Variants in C9orf153 observed in about 807,000 individuals in gnomAD.
C9orf153 encodes chromosome 9 open reading frame 153.
Under a neutral mutation model 9.0 loss-of-function variants are expected in C9orf153, and 10 were observed. The ratio of observed to expected loss-of-function variants is 1.11; its 90% confidence interval spans 0.69 to 1.89. The LOEUF (loss-of-function observed/expected upper bound fraction) is 1.89, where lower values mean the gene tolerates loss of function less well. C9orf153 is among the 40% of genes most tolerant of loss of function. C9orf153 has a pLI of 0.00. For synonymous variants in C9orf153, 35 were observed against 37.3 expected, an observed-to-expected ratio of 0.94 and a Z score of 0.23; for missense variants, 108 against 111.0, an observed-to-expected ratio of 0.97 and a Z score of 0.12.
At chr9:86,252,237 G>A (rs536394713) in intron 1 of C9orf153, among the ~76,000 whole-genome samples, 10 of 152,120 alleles carry the variant, frequency 6.6e-5, no homozygotes, top group African/African-American at 9.6e-5. Context: ...GTTTCACCAC[G>A]TTGGCCAGCT....
intron 1 of C9orf153, among the ~76,000 whole-genome samples, chr9:86,238,856 CA>C (rs1824662439): frequency 6.6e-6 from 1 of 150,418 alleles, no homozygotes; most frequent in African/African-American, 2.5e-5. Context: ...AGAGAAATTA[CA>C]AAACTGTACA....
At chr9:86,252,225 G>A (rs970757103) in intron 1 of C9orf153, among the ~76,000 whole-genome samples, 10 of 151,968 alleles carry the variant, frequency 6.6e-5, no homozygotes, top group Non-Finnish European at 1.5e-4. Context: ...GGTAGAGATG[G>A]GGTTTCACCA....
chr9:86,228,623 G>A (rs1420731586), intron 2 of C9orf153, among the ~76,000 whole-genome samples: 1 of 152,206 alleles, frequency 6.6e-6, no homozygotes, highest in Non-Finnish European at 1.5e-5. Context: ...ATCCCTGAGA[G>A]GACCTGTCCC....
rs2131187024 is a variant in C9orf153, at chr9:86,236,708, A to G, written c.-26-7079T>C. ...TAGGTAAGAAACTCAGATCTATATA[A>G]GGAAGTGAAAAGTATTAGAGAAGGA... On this transcript the variant is annotated intron_variant, in intron 1 of 3. Transcript: ENST00000339137. 5.3e-5 allele frequency among the ~76,000 whole-genome samples: 8 copies of G among 152,190 alleles called. No homozygotes were observed. In the South Asian group the frequency reaches 1.7e-3, roughly 32 times the overall value.
At chr9:86,235,741 C>CAAAAAAAAAAA (rs60165641) in intron 1 of C9orf153, among the ~76,000 whole-genome samples, 2 of 22,052 alleles carry the variant, frequency 9.1e-5, no homozygotes, top group African/African-American at 1.3e-4. Flanking sequence ...GACTCCATCT[C>CAAAAAAAAAAA]AAAAAAAAAA....
intron 1 of C9orf153, among the ~76,000 whole-genome samples, chr9:86,233,720 T>G (rs1316194432): frequency 6.6e-6 from 1 of 152,156 alleles, no homozygotes; most frequent in Non-Finnish European, 1.5e-5. Flanking sequence ...CTCGTCCAAT[T>G]TATAAATTTC....
intron 1 of C9orf153, among the ~76,000 whole-genome samples, chr9:86,247,272 GCTCT>G (rs1013598669): frequency 1.2e-4 from 19 of 152,038 alleles, no homozygotes; most frequent in South Asian, 2.1e-4. Flanking sequence ...CTGTCTTTTT[GCTCT>G]CTCTCTTTTT....
rs1824237038 is a variant in C9orf153, at chr9:86,222,847, T to G, written c.243-1114A>C. Among the ~76,000 whole-genome samples the G allele has an allele frequency of 3.3e-5, 5 of 152,250 alleles. No individual in the cohort carries two copies. In the South Asian group the frequency reaches 8.3e-4, roughly 25 times the overall value. On this transcript the variant is annotated intron_variant, in intron 3 of 3. Transcript: ENST00000339137. ...TGGTGGGTGACCTTACTGTCCCACA[T>G]GTGGTGACATTTGAGCATGTCACCT...
intron 1 of C9orf153, among the ~76,000 whole-genome samples, chr9:86,234,156 A>C (rs1336174457): frequency 6.6e-6 from 1 of 152,240 alleles, no homozygotes; most frequent in African/African-American, 2.4e-5. Context: ...TACTTTAGCC[A>C]GCTGGGCTCA....
intron 1 of C9orf153, among the ~76,000 whole-genome samples, chr9:86,246,036 A>G (rs1005146177): frequency 6.6e-6 from 1 of 152,296 alleles, no homozygotes; most frequent in African/African-American, 2.4e-5. Flanking sequence ...GTCTCCTGCA[A>G]TGACAGCTAG....
chr9:86,243,283 G>C (rs550809553), intron 1 of C9orf153, among the ~76,000 whole-genome samples: 2 of 152,126 alleles, frequency 1.3e-5, no homozygotes, highest in South Asian at 4.1e-4. Context: ...GTGGGCATAG[G>C]GGATTTTCTC....
chr9:86,247,870 C>T (rs1254461003), intron 1 of C9orf153, among the ~76,000 whole-genome samples: 2 of 152,160 alleles, frequency 1.3e-5, no homozygotes, highest in East Asian at 3.9e-4. Context: ...TTGGCCCCTA[C>T]CTTCCATTAT....
At chr9:86,243,173 C>G (rs1325702928) in intron 1 of C9orf153, among the ~76,000 whole-genome samples, 1 of 152,156 alleles carries the variant, frequency 6.6e-6, no homozygotes, top group Non-Finnish European at 1.5e-5. Flanking sequence ...AAGTGTCTAT[C>G]GAGTTACTAT....
At chr9:86,237,282 A>G (rs376613724) in intron 1 of C9orf153, among the ~76,000 whole-genome samples, 13 of 152,198 alleles carry the variant, frequency 8.5e-5, no homozygotes, top group Non-Finnish European at 1.6e-4. Flanking sequence ...GAAACAAGGA[A>G]CAAGGGCAAA....
chr9:86,221,746 A>G lies in C9orf153; in HGVS notation c.243-13T>C, dbSNP rs1474584434. 5.3e-6 allele frequency: 8 copies of G among 1,498,950 alleles called. No individual in the cohort carries two copies. In the South Asian group the frequency reaches 7.2e-5, roughly 14 times the overall value. The allele number at this position is 1,498,950 out of a possible 1,614,324, so 92.9% of individuals were successfully genotyped here. A position where few individuals can be genotyped will look rare whatever the true frequency, so the allele number is the denominator to read the frequency against. On this transcript the variant is annotated splice_polypyrimidine_tract_variant and intron_variant, in intron 3 of 3. Transcript: ENST00000339137. ...ATGAATTGTTTTCCTGAAAAGAATC[A>G]TATTTTCAAAGAATCACATGGTGTT...
intron 1 of C9orf153, among the ~76,000 whole-genome samples, chr9:86,239,616 G>C (rs781086761): frequency 2.0e-5 from 3 of 152,202 alleles, no homozygotes; most frequent in Non-Finnish European, 4.4e-5. Flanking sequence ...GCCTGCCTGG[G>C]GCTAGAGGGG....
chr9:86,244,974 TG>T (rs1323156897), intron 1 of C9orf153, among the ~76,000 whole-genome samples: 2 of 152,232 alleles, frequency 1.3e-5, no homozygotes, highest in African/African-American at 4.8e-5. Context: ...TCGCCCAGGC[TG>T]GAGTGCAATG....
At chr9:86,239,949 G>C (rs572520338) in intron 1 of C9orf153, among the ~76,000 whole-genome samples, 1 of 152,124 alleles carries the variant, frequency 6.6e-6, no homozygotes, top group Admixed American at 6.5e-5. Context: ...AAGACACCCC[G>C]ATGGTGGAGC....
chr9:86,251,978 C>T (rs970218811), intron 1 of C9orf153, among the ~76,000 whole-genome samples: 4 of 144,790 alleles, frequency 2.8e-5, no homozygotes, highest in African/African-American at 1.1e-4. Flanking sequence ...AGAGAGAAGA[C>T]GAGACAGATT....
Sources: allele counts gnomAD v4.1 joint callset (sites outside exome capture counted in the v4.1 genomes callset), GRCh38; gene constraint gnomAD v4.1.1; transcripts MANE v1.5; gene names NCBI Gene and HGNC (gene_info 2026-07-23, HGNC 2026-07-21).